Variants in ITGB3BP observed in about 807,000 individuals in gnomAD.
The protein encoded by ITGB3BP is integrin subunit beta 3 binding protein.
In ITGB3BP, 27 loss-of-function variants were observed where a neutral mutation model predicts 29.1. The ratio of observed to expected loss-of-function variants is 0.93; its 90% confidence interval spans 0.68 to 1.28. The LOEUF (loss-of-function observed/expected upper bound fraction) is 1.28, where lower values mean the gene tolerates loss of function less well. Among genes scored for constraint, ITGB3BP ranks in the 50% most tolerant of loss-of-function variants. ITGB3BP has a pLI of 0.00. For synonymous variants in ITGB3BP, 61 were observed against 61.4 expected, an observed-to-expected ratio of 0.99 and a Z score of 0.03; for missense variants, 192 against 200.2, an observed-to-expected ratio of 0.96 and a Z score of 0.25.
chr1:63,449,084 A>C (rs1644827599), intron 7 of ITGB3BP, among the ~76,000 whole-genome samples: 1 of 152,148 alleles, frequency 6.6e-6, no homozygotes, highest in African/African-American at 2.4e-5. Context: ...GAAGTGCTGC[A>C]CTGATTTAAT....
chr1:63,508,603 T>C (rs1646130656), intron 1 of ITGB3BP, 33 bp from the exon 2 acceptor site: 2 of 989,148 alleles, frequency 2.0e-6, no homozygotes, highest in Non-Finnish European at 3.0e-6. Flanking sequence ...AATTTTAGAT[T>C]TGACACGCTT....
At chr1:63,505,769 A>G (rs1646062719) in intron 2 of ITGB3BP, among the ~76,000 whole-genome samples, 2 of 152,032 alleles carry the variant, frequency 1.3e-5, no homozygotes, top group Admixed American at 6.6e-5. Context: ...ATTTCATTAT[A>G]TACCCAGTAG....
chr1:63,480,473 T>A (rs1469195745), intron 3 of ITGB3BP, among the ~76,000 whole-genome samples: 1 of 152,148 alleles, frequency 6.6e-6, no homozygotes, highest in African/African-American at 2.4e-5. Flanking sequence ...ATATACTGGC[T>A]TTTGATGTTT....
At chr1:63,501,673 G>C (rs769524437) in intron 2 of ITGB3BP, among the ~76,000 whole-genome samples, 4 of 151,806 alleles carry the variant, frequency 2.6e-5, no homozygotes, top group Non-Finnish European at 5.9e-5. Context: ...GACCAGCCTG[G>C]ACAACATGGC....
intron 2 of ITGB3BP, among the ~76,000 whole-genome samples, chr1:63,497,269 C>A (rs1232227248): frequency 6.6e-6 from 1 of 152,028 alleles, no homozygotes; most frequent in Non-Finnish European, 1.5e-5. Flanking sequence ...TATACCACTG[C>A]ACACCAGTTT....
Position 63,455,038 on chromosome 1 carries a change from T to C in ITGB3BP, c.255-70A>G, listed in dbSNP as rs560589080. 1.2e-5 allele frequency: 9 copies of C among 738,452 alleles called. No individual in the cohort carries two copies. In the African/African-American group the frequency reaches 1.2e-4, roughly 10 times the overall value. 45.7% of individuals were successfully genotyped at this position (738,452 alleles called of 1,614,324 possible). ...AAACATGGCAAATCATTTTCAGAGC[T>C]TTAACTCTTTTTAAAGGACCTTAGA... is the stretch of plus-strand genomic sequence containing the variant. On this transcript the variant is annotated intron_variant, in intron 4 of 8. Transcript: ENST00000271002.
intron 1 of ITGB3BP, chr1:63,510,045 C>T: frequency 3.5e-6 from 2 of 576,032 alleles, no homozygotes; most frequent in Non-Finnish European, 6.4e-6. Flanking sequence ...AAAATATTAG[C>T]CTAGCGTGGT....
At chr1:63,491,645 T>A (rs891170516) in intron 2 of ITGB3BP, among the ~76,000 whole-genome samples, 1 of 152,162 alleles carries the variant, frequency 6.6e-6, no homozygotes, top group African/African-American at 2.4e-5. Context: ...AATCTTAATA[T>A]TAGTTCCAGA....
intron 1 of ITGB3BP, among the ~76,000 whole-genome samples, chr1:63,518,738 C>T (rs1475128166): frequency 1.3e-5 from 2 of 151,934 alleles, no homozygotes; most frequent in African/African-American, 4.8e-5. Flanking sequence ...GTTGGGGCTA[C>T]CATTTAGATA....
At chr1:63,493,417 A>AAAAC (rs60111018) in intron 2 of ITGB3BP, among the ~76,000 whole-genome samples, 10,275 of 145,518 alleles carry the variant, frequency 0.071, 410 homozygotes, top group African/African-American at 0.11. Flanking sequence ...TCTGTCTCAA[A>AAAAC]AAACAAACAA....
chr1:63,482,649 ATTTTTTTTTTT>A (rs34619742), intron 3 of ITGB3BP, among the ~76,000 whole-genome samples: 1 of 129,854 alleles, frequency 7.7e-6, no homozygotes, highest in Admixed American at 7.9e-5. Context: ...AACAATGTTA[ATTTTTTTTTTT>A]TTTTTTTTTT....
At chr1:63,522,496 T>A (rs61765260) in intron 1 of ITGB3BP, among the ~76,000 whole-genome samples, 1 of 152,144 alleles carries the variant, frequency 6.6e-6, no homozygotes, top group Non-Finnish European at 1.5e-5. Context: ...ATTTTATGCA[T>A]CTCAATATAG....
Position 63,508,690 on chromosome 1 carries a change from T to C in ITGB3BP, c.6-120A>G. On this transcript the variant is annotated intron_variant, in intron 1 of 8. Coordinates refer to ENST00000271002, the MANE Select transcript of ITGB3BP (RefSeq NM_014288.5). ...GTTCTACCAACCAATTTTTATATTA[T>C]GTATTAAAGCAGAATACCATATGAA... 4 of 536,148 alleles carry C rather than the reference T, an allele frequency of 7.5e-6. No homozygotes were observed. The South Asian group carries it at 1.2e-4, about 16-fold the overall frequency. 33.2% of individuals were successfully genotyped at this position (536,148 alleles called of 1,614,324 possible).
intron 2 of ITGB3BP, among the ~76,000 whole-genome samples, chr1:63,490,757 C>T (rs1645628184): frequency 6.6e-6 from 1 of 152,210 alleles, no homozygotes; most frequent in South Asian, 2.1e-4. Flanking sequence ...TTACAAATTT[C>T]CTCTTAGCAG....
intron 3 of ITGB3BP, among the ~76,000 whole-genome samples, chr1:63,479,035 T>A (rs935271038): frequency 2.6e-5 from 4 of 152,018 alleles, no homozygotes; most frequent in Non-Finnish European, 4.4e-5. Context: ...TAAGAAAAAA[T>A]AATCTTTTGA....
upstream of ITGB3BP, among the ~76,000 whole-genome samples, chr1:63,524,560 T>C (rs6588049): frequency 0.99 from 150,696 of 152,330 alleles, 74,557 homozygotes; most frequent in Middle Eastern, 1. Flanking sequence ...CTACCTGTGT[T>C]ATCTTATTAT....
At chr1:63,460,172 CAT>C (rs1376604133) in intron 4 of ITGB3BP, among the ~76,000 whole-genome samples, 2 of 152,080 alleles carry the variant, frequency 1.3e-5, no homozygotes, top group Non-Finnish European at 2.9e-5. Context: ...TCATTTTAAA[CAT>C]TTTTAAATGT....
At chr1:63,452,489 T>C (rs1644873614) in intron 7 of ITGB3BP, among the ~76,000 whole-genome samples, 1 of 152,190 alleles carries the variant, frequency 6.6e-6, no homozygotes, top group African/African-American at 2.4e-5. Flanking sequence ...CACATTCTAA[T>C]CAAATTACAC....
intron 4 of ITGB3BP, among the ~76,000 whole-genome samples, chr1:63,473,589 C>G (rs1645258245): frequency 7.2e-6 from 1 of 138,440 alleles, no homozygotes; most frequent in African/African-American, 2.7e-5. Context: ...AGCCCCCTGC[C>G]CGGCCAGCCG....
Sources: allele counts gnomAD v4.1 joint callset (sites outside exome capture counted in the v4.1 genomes callset), GRCh38; gene constraint gnomAD v4.1.1; transcripts MANE v1.5; gene names NCBI Gene and HGNC (gene_info 2026-07-23, HGNC 2026-07-21).